Variants in SLCO4C1 observed in about 807,000 individuals in gnomAD.
SLCO4C1 encodes organic anion transporter M1.
In SLCO4C1, 58 loss-of-function variants were observed where a neutral mutation model predicts 72.1. The observed-to-expected ratio is 0.80, with a 90% CI of 0.65 to 1.00. The LOEUF (loss-of-function observed/expected upper bound fraction) is 1.00, where lower values mean the gene tolerates loss of function less well. Ranked by LOEUF, SLCO4C1 falls within the 50% of genes least tolerant of loss-of-function variation. The pLI is 0.00. For synonymous variants in SLCO4C1, 297 were observed against 312.5 expected (o/e 0.95, Z 0.52); for missense variants, 898 against 857.9 (o/e 1.05, Z -0.58).
chr5:102,263,999 A>G (rs189241809), intron 3 of SLCO4C1, among the ~76,000 whole-genome samples: 7 of 152,164 alleles, frequency 4.6e-5, no homozygotes, highest in East Asian at 1.9e-4. Flanking sequence ...TAATACTTAG[A>G]ACAAAACCAA....
At chr5:102,276,833 G>T (rs1580261643) in intron 2 of SLCO4C1, among the ~76,000 whole-genome samples, 2 of 152,102 alleles carry the variant, frequency 1.3e-5, no homozygotes, top group African/African-American at 4.8e-5. Flanking sequence ...TTAAGCTTTG[G>T]ATTTAAGGGA....
intron 9 of SLCO4C1, among the ~76,000 whole-genome samples, chr5:102,247,646 C>A (rs1017811778): frequency 1.3e-5 from 2 of 152,070 alleles, no homozygotes; most frequent in African/African-American, 4.8e-5. Context: ...CTGTATTTGA[C>A]TTTTGTGGCC....
At chr5:102,251,347 A>G (rs2112348123) in intron 8 of SLCO4C1, among the ~76,000 whole-genome samples, 1 of 152,352 alleles carries the variant, frequency 6.6e-6, no homozygotes, top group Admixed American at 6.5e-5. Flanking sequence ...GGTGATGACA[A>G]TATAAAGGAG....
In SLCO4C1 at chr5:102,275,631, C is replaced by G. The variant is rs145774786; in HGVS notation, c.620-4825G>C. ...GAATCTTCTTTGTAGAGAACACCAG[C>G]AGTATACTGTATATCACGTGTCACA... On this transcript the variant is annotated intron_variant, in intron 2 of 12. Transcript: ENST00000310954. Among the ~76,000 whole-genome samples the G allele has an allele frequency of 2.3e-3, 353 of 152,242 alleles. 1 individual carries two copies. Among genetic ancestry groups the G allele is most frequent in the Non-Finnish European group, 3.4e-3 (230 of 68,012 alleles).
chr5:102,244,439 A>G (rs889781756), intron 10 of SLCO4C1, among the ~76,000 whole-genome samples: 2 of 152,216 alleles, frequency 1.3e-5, no homozygotes, highest in African/African-American at 4.8e-5. Context: ...GGTCATAAAG[A>G]AGAGGTAGAG....
At chr5:102,291,672 AT>A in intron 1 of SLCO4C1, 66 bp from the exon 2 acceptor site, 1 of 1,353,554 alleles carries the variant, frequency 7.4e-7, no homozygotes, top group Non-Finnish European at 1.0e-6. Flanking sequence ...TATTAACACA[AT>A]GAAGTAGAGT....
At position 102,236,955 on chromosome 5, in the gene SLCO4C1, G is replaced by A. The variant is rs1748447594; in HGVS notation, c.2078C>T (p.Pro693Leu). The change falls in exon 13 of 13, where the codon CCT (proline) becomes CTT (leucine). Residue 693 changes from proline (P) to leucine (L), a missense_variant. Pro to Leu is a moderately conservative substitution (Grantham distance 98). Transcript: ENST00000310954. Reference protein sequence around the residue: ...NGFAIFLYKPPPSATDVSFHK... With the variant: ...NGFAIFLYKPLPSATDVSFHK... Reference sequence around the variant, plus strand: ...AAATGACACATCTGTGGCTGATGGAGGTGGTTTATACAAAAAGATTGCAAA... The same window carrying A: ...AAATGACACATCTGTGGCTGATGGAAGTGGTTTATACAAAAAGATTGCAAA... 6.2e-7 allele frequency: 1 copy of A among 1,612,354 alleles called. No individual in the cohort carries two copies. The highest frequency in any genetic ancestry group is 8.5e-7 in the Non-Finnish European group (1 of 1,179,584).
intron 8 of SLCO4C1, among the ~76,000 whole-genome samples, chr5:102,250,140 C>A (rs1748711725): frequency 6.6e-6 from 1 of 152,112 alleles, no homozygotes; most frequent in African/African-American, 2.4e-5. Context: ...ACCAGTAGCA[C>A]TCTCCTTCAT....
chr5:102,241,608 A>T (rs1748541108), intron 10 of SLCO4C1, among the ~76,000 whole-genome samples: 1 of 152,140 alleles, frequency 6.6e-6, no homozygotes, highest in African/African-American at 2.4e-5. Flanking sequence ...GCCACAAATA[A>T]ATGGAAAGCT....
intron 3 of SLCO4C1, among the ~76,000 whole-genome samples, chr5:102,263,985 G>T (rs1748988941): frequency 6.6e-6 from 1 of 152,102 alleles, no homozygotes. Context: ...AAAGCTATTT[G>T]TAGTAATACT....
intron 2 of SLCO4C1, among the ~76,000 whole-genome samples, chr5:102,284,390 C>T (rs776767682): frequency 6.6e-6 from 1 of 152,130 alleles, no homozygotes; most frequent in East Asian, 1.9e-4. Context: ...AGTTTCTAAA[C>T]TCAACAAGGG....
chr5:102,265,265 G>C (rs1025571348), intron 3 of SLCO4C1, among the ~76,000 whole-genome samples: 3 of 152,068 alleles, frequency 2.0e-5, no homozygotes, highest in African/African-American at 7.2e-5. Flanking sequence ...CTGTTTTATA[G>C]GTTGTCTCTA....
At chr5:102,265,399 A>G (rs1561373911) in intron 3 of SLCO4C1, among the ~76,000 whole-genome samples, 1 of 152,120 alleles carries the variant, frequency 6.6e-6, no homozygotes, top group Non-Finnish European at 1.5e-5. Context: ...TGCCTGGAAC[A>G]ATGTACTAAA....
At chr5:102,285,358 C>T (rs936963413) in intron 2 of SLCO4C1, among the ~76,000 whole-genome samples, 4 of 152,184 alleles carry the variant, frequency 2.6e-5, no homozygotes, top group Non-Finnish European at 4.4e-5. Context: ...GATCTCAGCT[C>T]CCTGCAACCT....
At position 102,296,066 on chromosome 5, in the gene SLCO4C1, G is replaced by A; in HGVS notation, c.197C>T (p.Ala66Val). ...CTTCTCTTCGGAGACATTGGGAGGGGCTGAAGGCAGAGATGGCTCTGGTGA... is the reference window on the plus strand; with the variant it reads ...CTTCTCTTCGGAGACATTGGGAGGGACTGAAGGCAGAGATGGCTCTGGTGA... ...QKSPEPSLPS[A>V]PPNVSEEKLR... is the part of the protein sequence containing the mutation. Residue 66 changes from alanine (A) to valine (V), a missense_variant, in exon 1 of 13, where the codon GCC (alanine) becomes GTC (valine). Ala to Val is a moderately conservative substitution (Grantham distance 64, BLOSUM62 0). Transcript: ENST00000310954. 4 of 1,614,240 alleles carry A rather than the reference G, an allele frequency of 2.5e-6. No individual in the cohort carries two copies. Among genetic ancestry groups the A allele is most frequent in the Non-Finnish European group, 3.4e-6 (4 of 1,180,048 alleles).
At position 102,296,046 on chromosome 5, in the gene SLCO4C1, C is replaced by T. The variant is rs781571143; in HGVS notation, c.217G>A (p.Glu73Lys). 2 of 1,614,216 alleles carry T rather than the reference C, an allele frequency of 1.2e-6. No individual in the cohort carries two copies. The highest frequency in any genetic ancestry group is 1.7e-6 in the Non-Finnish European group (2 of 1,180,044). ...LPSAPPNVSEEKLRSLSLSEF... is the reference protein window; with the variant it reads ...LPSAPPNVSEKKLRSLSLSEF... Reference sequence around the variant, plus strand: ...GACAGCGACAGTGACCGGAGCTTCTCTTCGGAGACATTGGGAGGGGCTGAA... The same window carrying T: ...GACAGCGACAGTGACCGGAGCTTCTTTTCGGAGACATTGGGAGGGGCTGAA... Residue 73 changes from glutamate to lysine, a missense_variant, in exon 1 of 13, where the codon GAG becomes AAG. Glu to Lys is a moderately conservative substitution (Grantham distance 56). Coordinates refer to ENST00000310954, the MANE Select transcript of SLCO4C1 (RefSeq NM_180991.5).
chr5:102,263,914 A>G lies in SLCO4C1; in HGVS notation c.803-134T>C, dbSNP rs544774020. The G allele has an allele frequency of 1.0e-4, 65 of 633,800 alleles. No individual in the cohort carries two copies. In the South Asian group the frequency reaches 1.5e-3, roughly 14 times the overall value. The allele number at this position is 633,800 out of a possible 1,614,324, so 39.3% of individuals were successfully genotyped here. ...TATCAAAATCACACATATTTTCACT[A>G]AAACAATACCATTTGAATTGATAGT... On this transcript the variant is annotated intron_variant, in intron 3 of 12. Transcript: ENST00000310954.
At chr5:102,259,141 G>T (rs1024807719) in intron 6 of SLCO4C1, among the ~76,000 whole-genome samples, 1 of 151,940 alleles carries the variant, frequency 6.6e-6, no homozygotes, top group African/African-American at 2.4e-5. Context: ...AAAGAGGAAT[G>T]ATCCAAAAGT....
At chr5:102,243,654 A>T (rs896408972) in intron 10 of SLCO4C1, among the ~76,000 whole-genome samples, 3 of 152,208 alleles carry the variant, frequency 2.0e-5, no homozygotes, top group African/African-American at 7.2e-5. Flanking sequence ...GAAGACTATA[A>T]TAAATACTTA....
Sources: gnomAD v4.1 joint callset for allele counts (sites outside exome capture counted in the v4.1 genomes callset) on GRCh38, gnomAD v4.1.1 for gene constraint, MANE v1.5 for transcripts, NCBI Gene and HGNC (gene_info 2026-07-23, HGNC 2026-07-21) for gene names.